Variants in FGGY observed in about 807,000 individuals in gnomAD.
FGGY encodes FGGY carbohydrate kinase domain containing.
FGGY carries 72 observed loss-of-function variants against 71.3 expected under a neutral mutation model. That is an observed-to-expected ratio of 1.01 (90% CI 0.84 to 1.23). FGGY has a LOEUF of 1.23. Among genes scored for constraint, FGGY ranks in the 50% most tolerant of loss-of-function variants. The pLI is 0.00. For synonymous variants in FGGY, 251 were observed against 250.3 expected (o/e 1.00, Z -0.02); for missense variants, 668 against 682.3 (o/e 0.98, Z 0.23).
chr1:59,322,337 G>A (rs188614475), intron 2 of FGGY, among the ~76,000 whole-genome samples: 1 of 147,810 alleles, frequency 6.8e-6, no homozygotes, highest in African/African-American at 2.5e-5. Flanking sequence ...AACAGGTGGT[G>A]TTTGGTTACG....
intron 6 of FGGY, among the ~76,000 whole-genome samples, chr1:59,478,957 G>A (rs915842069): frequency 2.6e-5 from 4 of 152,148 alleles, no homozygotes; most frequent in Non-Finnish European, 5.9e-5. Context: ...ATAGTGACTC[G>A]GGGACCTTAG....
chr1:59,358,839 C>T (rs1344314534), intron 4 of FGGY, among the ~76,000 whole-genome samples: 2 of 152,230 alleles, frequency 1.3e-5, no homozygotes, highest in Admixed American at 1.3e-4. Flanking sequence ...TGTGTGCTTT[C>T]AAATCTTCTA....
chr1:59,347,112 A>G (rs1011220591), intron 4 of FGGY, among the ~76,000 whole-genome samples: 3 of 55,638 alleles, frequency 5.4e-5, no homozygotes, highest in African/African-American at 2.1e-4. Flanking sequence ...CTTTATTATT[A>G]TACTTTAAGT....
At chr1:59,318,251 T>C (rs2045798380) in intron 1 of FGGY, among the ~76,000 whole-genome samples, 1 of 152,228 alleles carries the variant, frequency 6.6e-6, no homozygotes, top group Non-Finnish European at 1.5e-5. Flanking sequence ...TCAAGCTGCT[T>C]AGCAGAATAT....
chr1:59,603,384 A>G (rs1044352722), intron 8 of FGGY, among the ~76,000 whole-genome samples: 1 of 152,232 alleles, frequency 6.6e-6, no homozygotes, highest in Admixed American at 6.5e-5. Context: ...ACAAATCTAG[A>G]GACCCCTTTA....
rs373379914 is a variant in FGGY at position 59,535,690 on chromosome 1, G to A, written c.800-18434G>A. Among the ~76,000 whole-genome samples, 672 of 149,848 alleles carry A rather than the reference G, an allele frequency of 4.5e-3. 5 individuals are homozygous for A. Among genetic ancestry groups the A allele is most frequent in the East Asian group, 0.015 (77 of 5,102 alleles). ...AGGATTAAGAATCTCACTCAAAACC[G>A]CTCAACTACATGGAAACTGAACAAC... On this transcript the variant is annotated intron_variant, in intron 7 of 15. Coordinates refer to ENST00000303721, the MANE Select transcript of FGGY (RefSeq NM_018291.5).
chr1:59,307,734 T>C (rs527513904), intron 1 of FGGY, among the ~76,000 whole-genome samples: 21 of 152,330 alleles, frequency 1.4e-4, no homozygotes, highest in African/African-American at 4.8e-4. Context: ...AAAACACAGA[T>C]AACACTAATT....
intron 5 of FGGY, among the ~76,000 whole-genome samples, chr1:59,427,911 A>G (rs984782031): frequency 2.0e-5 from 3 of 151,948 alleles, no homozygotes; most frequent in African/African-American, 7.3e-5. Flanking sequence ...GCTTCATATC[A>G]TCTCTTATGT....
intron 14 of FGGY, among the ~76,000 whole-genome samples, chr1:59,756,426 T>C (rs561755582): frequency 6.6e-6 from 1 of 152,342 alleles, no homozygotes; most frequent in Admixed American, 6.5e-5. Flanking sequence ...AGCTAGCAGA[T>C]GAAAGAACCA....
At chr1:59,501,695 C>G (rs1264150241) in intron 6 of FGGY, among the ~76,000 whole-genome samples, 1 of 152,214 alleles carries the variant, frequency 6.6e-6, no homozygotes, top group African/African-American at 2.4e-5. Flanking sequence ...ACTTTTAAAG[C>G]ATTTCCCTCT....
At chr1:59,493,132 A>ACACACACACACACACAC (rs1200996976) in intron 6 of FGGY, among the ~76,000 whole-genome samples, 4 of 54,812 alleles carry the variant, frequency 7.3e-5, no homozygotes, top group Admixed American at 1.9e-4. Flanking sequence ...CACACACACA[A>ACACACACACACACACAC]AACAGAAAGT....
chr1:59,652,282 GA>G (rs1435645496), intron 11 of FGGY, among the ~76,000 whole-genome samples: 32 of 146,586 alleles, frequency 2.2e-4, no homozygotes, highest in African/African-American at 8.1e-4. Flanking sequence ...TGTATTTCCT[GA>G]ATCTGAACGT....
At chr1:59,355,627 C>T (rs76418527) in intron 4 of FGGY, among the ~76,000 whole-genome samples, 3,706 of 151,924 alleles carry the variant, frequency 0.024, 173 homozygotes, top group African/African-American at 0.086. Context: ...TTTATCTCTG[C>T]CCTTTAGTGA....
Position 59,591,491 on chromosome 1 carries a change from A to C in FGGY, c.904-16312A>C, listed in dbSNP as rs1029364493. On this transcript the variant is annotated intron_variant, in intron 8 of 15. Transcript: ENST00000303721. ...GAGCCCGCATCGCCAAGTCAATCCT[A>C]AGCCAAAAGAACAAACTGGAGGCAT... is the stretch of plus-strand genomic sequence containing the variant. 9.4e-5 allele frequency among the ~76,000 whole-genome samples: 14 copies of C among 149,186 alleles called. No individual in the cohort carries two copies. The East Asian group carries it at 9.9e-4, about 11-fold the overall frequency.
chr1:59,510,348 T>C (rs1033255374), intron 6 of FGGY, among the ~76,000 whole-genome samples: 8 of 152,220 alleles, frequency 5.3e-5, no homozygotes, highest in Admixed American at 4.6e-4. Flanking sequence ...AAATGCATGC[T>C]ATGTCCTTAG....
At chr1:59,383,149 A>G (rs902086641) in intron 5 of FGGY, among the ~76,000 whole-genome samples, 9 of 152,108 alleles carry the variant, frequency 5.9e-5, no homozygotes, top group Non-Finnish European at 1.0e-4. Flanking sequence ...TATTAAAGCA[A>G]TTTTTCCAAA....
intron 8 of FGGY, among the ~76,000 whole-genome samples, chr1:59,572,811 A>G (rs556612942): frequency 2.4e-4 from 36 of 152,342 alleles, no homozygotes; most frequent in African/African-American, 8.4e-4. Context: ...CTCCCCAGTG[A>G]GTAGAGATAT....
In FGGY at chr1:59,709,466, TCA is replaced by T. The variant is rs111353878; in HGVS notation, c.1512+35367_1512+35368del. Among the ~76,000 whole-genome samples, 557 of 142,636 alleles carry T rather than the reference TCA, an allele frequency of 3.9e-3. 1 individual carries two copies. The highest frequency in any genetic ancestry group is 7.5e-3 in the African/African-American group (287 of 38,308). 93.6% of individuals were successfully genotyped at this position (142,636 alleles called of 152,430 possible). A position where few individuals can be genotyped will look rare whatever the true frequency, so the allele number is the denominator to read the frequency against. ...GGTGGAGACACAGAATGAAACTATA[TCA>T]CACACACACACACACACACACACAC... On this transcript the variant is annotated intron_variant, in intron 14 of 15. Coordinates refer to ENST00000303721, the MANE Select transcript of FGGY (RefSeq NM_018291.5).
intron 2 of FGGY, among the ~76,000 whole-genome samples, chr1:59,333,018 G>A (rs2048803913): frequency 6.6e-6 from 1 of 152,190 alleles, no homozygotes; most frequent in South Asian, 2.1e-4. Context: ...TCTTACTTGG[G>A]AGGTATCTCT....
Sources: gnomAD v4.1 joint callset for allele counts (sites outside exome capture counted in the v4.1 genomes callset) on GRCh38, gnomAD v4.1.1 for gene constraint, MANE v1.5 for transcripts, NCBI Gene and HGNC (gene_info 2026-07-23, HGNC 2026-07-21) for gene names.